Variants in MIR2052HG observed in about 807,000 individuals in gnomAD.
MIR2052HG encodes MIR2052 host gene.
At chr8:74,701,162 G>A (rs1435704849) in intron 2 of MIR2052HG, among the ~76,000 whole-genome samples, 1 of 152,060 alleles carries the variant, frequency 6.6e-6, no homozygotes, top group Non-Finnish European at 1.5e-5. Context: ...TTTGGTGAAT[G>A]AGAATTTGAT....
intron 2 of MIR2052HG, among the ~76,000 whole-genome samples, chr8:74,701,587 C>G (rs1228113050): frequency 6.6e-6 from 1 of 152,046 alleles, no homozygotes; most frequent in East Asian, 1.9e-4. Context: ...GACATTGGCT[C>G]TTTTCTTGAC....
In MIR2052HG at chr8:74,752,187, T is replaced by C. The variant is rs972953719; in HGVS notation, n.372-254T>C. Among the ~76,000 whole-genome samples, 6 of 147,710 alleles carry C rather than the reference T, an allele frequency of 4.1e-5. No homozygotes were observed. In the East Asian group the frequency reaches 1.2e-3, roughly 30 times the overall value. ...GACCCAGCTAGGTGAGGGGCTGAGA[T>C]GGGAGGATTTCCTCAGCCTGGGAGG... On this transcript the variant is annotated intron_variant and non_coding_transcript_variant, in intron 4 of 6. Coordinates refer to ENST00000523442, the Ensembl canonical transcript of MIR2052HG.
At chr8:74,637,332 A>G (rs1477263181) in intron 2 of MIR2052HG, among the ~76,000 whole-genome samples, 3 of 152,064 alleles carry the variant, frequency 2.0e-5, no homozygotes, top group Non-Finnish European at 4.4e-5. Flanking sequence ...TAATTAGCTT[A>G]TTTCTTCCAG....
chr8:74,645,110 T>C (rs772049169), intron 2 of MIR2052HG, among the ~76,000 whole-genome samples: 6 of 152,076 alleles, frequency 3.9e-5, no homozygotes, highest in Non-Finnish European at 7.4e-5. Flanking sequence ...ATTGTTTAGC[T>C]AAGTAAGAAG....
chr8:74,706,841 G>A (rs1372694430), intron 4 of MIR2052HG, among the ~76,000 whole-genome samples: 2 of 152,008 alleles, frequency 1.3e-5, no homozygotes, highest in East Asian at 1.9e-4. Flanking sequence ...GCTTCTTGGC[G>A]GGGAAGGGCA....
intron 4 of MIR2052HG, among the ~76,000 whole-genome samples, chr8:74,737,132 A>G (rs1809774757): frequency 2.0e-5 from 3 of 152,200 alleles, no homozygotes; most frequent in Non-Finnish European, 4.4e-5. Flanking sequence ...GCATAGAAGT[A>G]TAACTTTGTA....
intron 2 of MIR2052HG, among the ~76,000 whole-genome samples, chr8:74,675,612 T>C (rs1303508931): frequency 1.3e-5 from 2 of 151,964 alleles, no homozygotes; most frequent in Non-Finnish European, 2.9e-5. Flanking sequence ...ACTAGGATGA[T>C]TGATCAGTGT....
At position 74,639,313 on chromosome 8, in the gene MIR2052HG, C is replaced by A. The variant is rs180804295; in HGVS notation, n.216+26373C>A. 4.0e-4 allele frequency among the ~76,000 whole-genome samples: 61 copies of A among 152,306 alleles called. 1 individual carries two copies. The highest frequency in any genetic ancestry group is 1.4e-3 in the African/African-American group (60 of 41,566). On this transcript the variant is annotated intron_variant and non_coding_transcript_variant, in intron 2 of 6. Transcript: ENST00000523442. ...GCTTTATAAAAATCTTTTTGATCCT[C>A]CATTCAGAGACACATTCTCACTTTT...
chr8:74,695,450 C>T (rs188783663), intron 2 of MIR2052HG, among the ~76,000 whole-genome samples: 19 of 152,158 alleles, frequency 1.2e-4, no homozygotes, highest in East Asian at 9.6e-4. Context: ...TAGAATAGTA[C>T]GTCACATCTC....
chr8:74,610,893 T>A (rs182760007), intron 1 of MIR2052HG, among the ~76,000 whole-genome samples: 2 of 151,898 alleles, frequency 1.3e-5, no homozygotes, highest in East Asian at 3.9e-4. Flanking sequence ...AAATACACAA[T>A]CTCTAGAAGA....
At chr8:74,736,603 G>A (rs1809746719) in intron 4 of MIR2052HG, among the ~76,000 whole-genome samples, 1 of 152,170 alleles carries the variant, frequency 6.6e-6, no homozygotes, top group Non-Finnish European at 1.5e-5. Context: ...GAATGGGGCT[G>A]GGAAATATTT....
intron 2 of MIR2052HG, among the ~76,000 whole-genome samples, chr8:74,669,493 A>T (rs186469827): frequency 1.5e-3 from 227 of 152,282 alleles, no homozygotes; most frequent in African/African-American, 5.3e-3. Flanking sequence ...CTTATCTAAG[A>T]CTTAAATGAG....
intron 1 of MIR2052HG, among the ~76,000 whole-genome samples, chr8:74,605,218 T>C (rs117344838): frequency 0.016 from 2,441 of 152,252 alleles, 31 homozygotes; most frequent in Non-Finnish European, 0.024. Flanking sequence ...CATGCTATTT[T>C]TACATGAGGG....
At chr8:74,698,482 G>A (rs1000604488) in intron 2 of MIR2052HG, among the ~76,000 whole-genome samples, 1 of 152,112 alleles carries the variant, frequency 6.6e-6, no homozygotes, top group Non-Finnish European at 1.5e-5. Flanking sequence ...AAAGGCAAAT[G>A]CAACAAAAAC....
At chr8:74,733,178 C>A (rs972358718) in intron 4 of MIR2052HG, among the ~76,000 whole-genome samples, 1 of 151,846 alleles carries the variant, frequency 6.6e-6, no homozygotes, top group Non-Finnish European at 1.5e-5. Flanking sequence ...TGCGCTGCAC[C>A]CACTGACTCG....
intron 2 of MIR2052HG, among the ~76,000 whole-genome samples, chr8:74,637,817 T>C (rs1219378999): frequency 1.3e-5 from 2 of 152,180 alleles, no homozygotes; most frequent in African/African-American, 4.8e-5. Flanking sequence ...TATCGCTTAC[T>C]GTATTTCCCT....
intron 2 of MIR2052HG, chr8:74,625,113 T>G (rs1489235446): frequency 6.6e-6 from 1 of 152,144 alleles, no homozygotes; most frequent in Non-Finnish European, 1.5e-5. Flanking sequence ...GGTTGGAGTT[T>G]AGCGGTGTGA....
chr8:74,708,016 A>G (rs979327626), intron 4 of MIR2052HG, among the ~76,000 whole-genome samples: 4 of 151,940 alleles, frequency 2.6e-5, no homozygotes, highest in Non-Finnish European at 5.9e-5. Context: ...TGGAAATGGA[A>G]CTCCCCCATT....
At chr8:74,698,098 T>C (rs1173219351) in intron 2 of MIR2052HG, among the ~76,000 whole-genome samples, 2 of 152,180 alleles carry the variant, frequency 1.3e-5, no homozygotes, top group Non-Finnish European at 2.9e-5. Flanking sequence ...ATTACCTGAC[T>C]TCAAACCATA....
Sources: allele counts gnomAD v4.1 joint callset (sites outside exome capture counted in the v4.1 genomes callset), GRCh38; gene constraint gnomAD v4.1.1; transcripts MANE v1.5; gene names NCBI Gene and HGNC (gene_info 2026-07-23, HGNC 2026-07-21).